Variants in SDK1 observed in about 807,000 individuals in gnomAD.
SDK1 encodes protein sidekick-1.
A neutral mutation model predicts 245.5 loss-of-function variants in SDK1; 157 were observed. That is an observed-to-expected ratio of 0.64 (90% CI 0.56 to 0.73). SDK1 has a LOEUF of 0.73. SDK1 is among the 30% of genes least tolerant of loss of function. The pLI, the probability that SDK1 is intolerant of heterozygous loss-of-function variation, is 0.00. For synonymous variants in SDK1, 1,647 were observed against 1,278.5 expected (o/e 1.29, Z -6.15); for missense variants, 3,583 against 3,002.3 (o/e 1.19, Z -4.52).
Position 4,017,304 on chromosome 7 carries a change from G to C in SDK1, c.2554G>C (p.Gly852Arg). The change falls in exon 17 of 45, where the codon GGT (glycine) becomes CGT (arginine). Residue 852 changes from glycine (G) to arginine (R), a missense_variant. Coordinates refer to ENST00000404826, the MANE Select transcript of SDK1 (RefSeq NM_152744.4). ...EIQVAAYNGA[G>R]LGVFSRAVTE... ...ACAGGTGGCGGCGTACAACGGGGCC[G>C]GTCTGGGCGTCTTCAGCAGGGCAGT... 1 of 1,613,766 alleles carries C rather than the reference G, an allele frequency of 6.2e-7. No individual in the cohort carries two copies. The highest frequency in any genetic ancestry group is 8.5e-7 in the Non-Finnish European group (1 of 1,179,806).
chr7:4,208,024 A>T (rs1369918846), intron 36 of SDK1, 75 bp from the exon 37 acceptor site: 2 of 1,136,710 alleles, frequency 1.8e-6, no homozygotes, highest in African/African-American at 3.1e-5. Flanking sequence ...CCTCGCTTTG[A>T]CCTTACACTC....
intron 44 of SDK1, among the ~76,000 whole-genome samples, chr7:4,260,791 T>C (rs1437126085): frequency 3.3e-5 from 5 of 149,886 alleles, no homozygotes; most frequent in Admixed American, 3.3e-4. Flanking sequence ...TGGGAAGATG[T>C]GTTCATCGTC....
intron 1 of SDK1, among the ~76,000 whole-genome samples, chr7:3,435,431 A>C (rs1779994479): frequency 6.8e-6 from 1 of 147,958 alleles, no homozygotes; most frequent in Admixed American, 6.9e-5. Flanking sequence ...CCCGGGTTCA[A>C]GCAATTATCC....
rs765999919 is a variant in SDK1, at chr7:3,371,301, A to G, written c.298+69417A>G. On this transcript the variant is annotated intron_variant, in intron 1 of 44. Transcript: ENST00000404826. Reference sequence around the variant, plus strand: ...ATCTGTGCAGGAACATTAGATCTAGATGGGGCTCTCCTAGTCAAAACGCTG... The same window carrying G: ...ATCTGTGCAGGAACATTAGATCTAGGTGGGGCTCTCCTAGTCAAAACGCTG... Among the ~76,000 whole-genome samples the G allele has an allele frequency of 2.6e-4, 40 of 152,272 alleles. No homozygotes were observed. The Middle Eastern group carries it at 0.014, about 52-fold the overall frequency.
intron 40 of SDK1, among the ~76,000 whole-genome samples, chr7:4,232,310 G>C (rs1278689890): frequency 6.6e-6 from 1 of 150,854 alleles, no homozygotes; most frequent in African/African-American, 2.4e-5. Flanking sequence ...TCTAGCTCCA[G>C]GCTCCAGCAC....
At chr7:4,099,795 G>A (rs190274310) in intron 22 of SDK1, among the ~76,000 whole-genome samples, 12 of 150,914 alleles carry the variant, frequency 8.0e-5, no homozygotes, top group Middle Eastern at 6.8e-3. Flanking sequence ...AAGGGGAGCC[G>A]CAGCTGGTGG....
In SDK1 at chr7:3,663,391, T is replaced by A. The variant is rs557953917; in HGVS notation, c.713+21286T>A. ...TTCCCTTCTGGTGTTTTTAACTAAA[T>A]GAAATATATAGGGAAGTGGGATTCA... On this transcript the variant is annotated intron_variant, in intron 4 of 44. Coordinates refer to ENST00000404826, the MANE Select transcript of SDK1 (RefSeq NM_152744.4). Among the ~76,000 whole-genome samples the A allele has an allele frequency of 5.6e-4, 85 of 152,168 alleles. 1 individual carries two copies. The highest frequency in any genetic ancestry group is 8.4e-4 in the Non-Finnish European group (57 of 68,018).
chr7:3,918,362 CT>C (rs1435907144), intron 5 of SDK1, among the ~76,000 whole-genome samples: 1 of 152,212 alleles, frequency 6.6e-6, no homozygotes, highest in Non-Finnish European at 1.5e-5. Context: ...GCTCCGCCCC[CT>C]GTCAGATCAG....
intron 17 of SDK1, among the ~76,000 whole-genome samples, chr7:4,038,059 G>C (rs573280698): frequency 6.6e-6 from 1 of 152,190 alleles, no homozygotes; most frequent in Non-Finnish European, 1.5e-5. Context: ...AGGCTGCCCA[G>C]CTCACAGCTG....
At chr7:4,151,432 T>A (rs1344534861) in intron 30 of SDK1, among the ~76,000 whole-genome samples, 1 of 152,158 alleles carries the variant, frequency 6.6e-6, no homozygotes, top group African/African-American at 2.4e-5. Context: ...GGGCACAACA[T>A]CTGGTGAGGT....
intron 1 of SDK1, among the ~76,000 whole-genome samples, chr7:3,447,832 G>A (rs1352494588): frequency 6.6e-6 from 1 of 151,246 alleles, no homozygotes; most frequent in Non-Finnish European, 1.5e-5. Flanking sequence ...AGCCTCTCGA[G>A]TAGCTGGGAT....
chr7:3,445,136 A>G (rs1780307104), intron 1 of SDK1, among the ~76,000 whole-genome samples: 1 of 152,230 alleles, frequency 6.6e-6, no homozygotes, highest in Non-Finnish European at 1.5e-5. Context: ...GCAGATTTAT[A>G]TTAAAAACCT....
intron 1 of SDK1, among the ~76,000 whole-genome samples, chr7:3,334,427 G>A (rs773039811): frequency 6.6e-6 from 1 of 151,994 alleles, no homozygotes; most frequent in Admixed American, 6.6e-5. Flanking sequence ...CTTCCCTGCC[G>A]TCCCTTTCAA....
chr7:3,387,938 A>G (rs920566074), intron 1 of SDK1, among the ~76,000 whole-genome samples: 6 of 152,238 alleles, frequency 3.9e-5, no homozygotes, highest in Non-Finnish European at 5.9e-5. Flanking sequence ...TAGAAGTTAC[A>G]TAATTTGCTA....
intron 1 of SDK1, among the ~76,000 whole-genome samples, chr7:3,306,964 T>G (rs1483045827): frequency 2.0e-5 from 3 of 152,088 alleles, no homozygotes; most frequent in Non-Finnish European, 4.4e-5. Context: ...GTTATGAGAG[T>G]AGACCTCCAG....
rs1334245846 is a variant in SDK1 at position 3,772,626 on chromosome 7, A to G, written c.714-48824A>G. ...AGTTACAAACTAGTGCTAAAATAAT[A>G]CTAGCTTTTACAATTGCTTATGTAT... On this transcript the variant is annotated intron_variant, in intron 4 of 44. Coordinates refer to ENST00000404826, the MANE Select transcript of SDK1 (RefSeq NM_152744.4). 2.6e-5 allele frequency among the ~76,000 whole-genome samples: 4 copies of G among 152,212 alleles called. 1 individual carries two copies. The highest frequency in any genetic ancestry group is 5.9e-5 in the Non-Finnish European group (4 of 68,028).
intron 38 of SDK1, among the ~76,000 whole-genome samples, chr7:4,213,403 C>T (rs1192085526): frequency 6.7e-6 from 1 of 148,810 alleles, no homozygotes; most frequent in Non-Finnish European, 1.5e-5. Flanking sequence ...CAGAGCAAGA[C>T]TCCGTCTCAA....
intron 42 of SDK1, among the ~76,000 whole-genome samples, chr7:4,240,265 G>C (rs1786436132): frequency 6.6e-6 from 1 of 152,102 alleles, no homozygotes; most frequent in Non-Finnish European, 1.5e-5. Context: ...CCGCACCCTG[G>C]AGTGTTAATT....
chr7:3,533,590 A>G (rs933359453), intron 1 of SDK1, among the ~76,000 whole-genome samples: 1 of 152,062 alleles, frequency 6.6e-6, no homozygotes, highest in African/African-American at 2.4e-5. Flanking sequence ...AGTACTGGGT[A>G]CTCTGTTTAT....
Sources: allele counts gnomAD v4.1 joint callset (sites outside exome capture counted in the v4.1 genomes callset), GRCh38; gene constraint gnomAD v4.1.1; transcripts MANE v1.5; gene names NCBI Gene and HGNC (gene_info 2026-07-23, HGNC 2026-07-21).